The following BDNF variants were observed in gnomAD, a reference collection of about 807,000 sequenced individuals.
The protein encoded by BDNF is neurotrophic factor BDNF precursor form.
In BDNF, 1 loss-of-function variant was observed where a neutral mutation model predicts 19.5. The ratio of observed to expected loss-of-function variants is 0.05; its 90% CI spans 0.02 to 0.24. BDNF has a LOEUF of 0.24. BDNF is among the 10% of genes least tolerant of loss of function. BDNF has a pLI of 1.00. For missense variants in BDNF, 195 were observed against 317.6 expected, an observed-to-expected ratio of 0.61 and a Z score of 2.93; for synonymous variants, 100 against 121.6, an observed-to-expected ratio of 0.82 and a Z score of 1.17.
At chr11:27,720,858 A>G in intron 1 of BDNF, 1 of 799,380 alleles carries the variant, frequency 1.3e-6, no homozygotes, top group East Asian at 1.2e-4. Context: ...TTAATAGTTG[A>G]TCACATGTTG....
At position 27,674,017 on chromosome 11, in the gene BDNF, G is replaced by T. The variant is rs367743133; in HGVS notation, c.-21-15432C>A. 23 of 1,499,278 alleles carry T rather than the reference G, an allele frequency of 1.5e-5. No homozygotes were observed. In the African/African-American group the frequency reaches 3.1e-4, roughly 20 times the overall value. 92.9% of individuals were successfully genotyped at this position (1,499,278 alleles called of 1,614,324 possible). On this transcript the variant is annotated intron_variant, in intron 1 of 1. Transcript: ENST00000356660. ...TATTATCAAGAAATCTTGGGGGAAA[G>T]ATAAAATTAGCAAGAGAAGGCTATT... is the stretch of plus-strand genomic sequence containing the variant.
In BDNF at chr11:27,659,650, C is replaced by T. The variant is rs4030470; in HGVS notation, c.-21-1065G>A. 42,856 of 312,380 alleles carry T rather than the reference C, an allele frequency of 0.14. 7,032 individuals are homozygous for T. The highest frequency in any genetic ancestry group is 0.56 in the African/African-American group (27,200 of 48,526). 19.4% of individuals were successfully genotyped at this position (312,380 alleles called of 1,614,324 possible). Reference sequence around the variant, plus strand: ...CTCTCTGTGTGTGTGTGTGTGTGTGCGCGCGCGCGTGTGCGCGCGCTCTGA... The same window carrying T: ...CTCTCTGTGTGTGTGTGTGTGTGTGTGCGCGCGCGTGTGCGCGCGCTCTGA... On this transcript the variant is annotated intron_variant, in intron 1 of 1. Transcript: ENST00000356660.
chr11:27,661,440 A>G (rs190904924), intron 1 of BDNF, among the ~76,000 whole-genome samples: 1 of 152,142 alleles, frequency 6.6e-6, no homozygotes, highest in East Asian at 1.9e-4. Flanking sequence ...TGTCCTGTTA[A>G]TTTTTCCTTT....
intron 1 of BDNF, chr11:27,659,185 A>G: frequency 3.0e-6 from 3 of 1,000,080 alleles, no homozygotes; most frequent in Non-Finnish European, 3.6e-6. Flanking sequence ...ACTCTATTAT[A>G]GCAAAGAAGA....
chr11:27,676,417 A>AT lies in BDNF; in HGVS notation c.-21-17833dup, dbSNP rs973775092. Among the ~76,000 whole-genome samples the AT allele has an allele frequency of 4.4e-3, 644 of 147,630 alleles. 2 individuals carry two copies. The highest frequency in any genetic ancestry group is 5.7e-3 in the Non-Finnish European group (378 of 66,590). ...TTTCTATGCAGTGGAACTGAAGGGG[A>AT]TTTTTTTTTTTGCTGTCCTCAGAGA... is the stretch of plus-strand genomic sequence containing the variant. On this transcript the variant is annotated intron_variant, in intron 1 of 1. Transcript: ENST00000356660.
intron 1 of BDNF, among the ~76,000 whole-genome samples, chr11:27,676,628 T>G (rs564632875): frequency 6.6e-4 from 101 of 152,356 alleles, no homozygotes; most frequent in African/African-American, 2.2e-3. Context: ...AGTCTAGCAA[T>G]AATGCATCAT....
chr11:27,656,899 C>T lies in BDNF; in HGVS notation c.*922G>A. On this transcript the variant is annotated 3_prime_UTR_variant, in exon 2 of 2. Coordinates refer to ENST00000356660, the MANE Select transcript of BDNF (RefSeq NM_001709.5). The stretch of plus-strand genomic sequence containing the variant: ...TGTTCACAGCAGTGGTAAAATATTT[C>T]AGAACGCGCAACTGATTTTTCTTCC... 2.0e-6 allele frequency: 2 copies of T among 985,208 alleles called. No individual in the cohort carries two copies. Among genetic ancestry groups the T allele is most frequent in the Non-Finnish European group, 2.4e-6 (2 of 829,896 alleles). 61.0% of individuals were successfully genotyped at this position (985,208 alleles called of 1,614,324 possible).
chr11:27,692,589 C>T (rs1590409690), intron 1 of BDNF, among the ~76,000 whole-genome samples: 1 of 152,258 alleles, frequency 6.6e-6, no homozygotes, highest in Admixed American at 6.5e-5. Flanking sequence ...GTGATCCTCC[C>T]ACCTCAGCCT....
chr11:27,681,127 G>A (rs1856783755), intron 1 of BDNF, among the ~76,000 whole-genome samples: 1 of 152,188 alleles, frequency 6.6e-6, no homozygotes. Context: ...GGAAACACAA[G>A]GATGGGGGAA....
At chr11:27,675,672 A>G (rs776984437) in intron 1 of BDNF, 8 of 152,130 alleles carry the variant, frequency 5.3e-5, no homozygotes, top group Non-Finnish European at 1.2e-4. Context: ...GAATGTGGCT[A>G]AGGGGCTAAG....
intron 1 of BDNF, chr11:27,698,313 T>C (rs1859426240): frequency 6.6e-6 from 1 of 151,600 alleles, no homozygotes; most frequent in Admixed American, 6.6e-5. Flanking sequence ...TAGTGATTGT[T>C]TTTAAAAGGT....
At chr11:27,711,314 T>C (rs1322398507) in intron 1 of BDNF, among the ~76,000 whole-genome samples, 1 of 152,228 alleles carries the variant, frequency 6.6e-6, no homozygotes, top group East Asian at 1.9e-4. Flanking sequence ...ATGTATATGA[T>C]CCTAACAAAA....
chr11:27,700,089 G>A lies in BDNF; in HGVS notation c.-22+75C>T, dbSNP rs1468361992. Reference sequence around the variant, plus strand: ...TGGCCTCGTCCCACAACTTTGGGGTGGGGGATCCCCCAGTCAACTCTCTCC... The same window carrying A: ...TGGCCTCGTCCCACAACTTTGGGGTAGGGGATCCCCCAGTCAACTCTCTCC... On this transcript the variant is annotated intron_variant, in intron 1 of 1. Coordinates refer to ENST00000356660, the MANE Select transcript of BDNF (RefSeq NM_001709.5). The A allele has an allele frequency of 6.1e-6, 6 of 983,366 alleles. No homozygotes were observed. In the Admixed American group the frequency reaches 3.1e-4, roughly 50 times the overall value. The allele number at this position is 983,366 out of a possible 1,614,324, so 60.9% of individuals were successfully genotyped here.
chr11:27,656,996 TC>T lies in BDNF; in HGVS notation c.*824del, dbSNP rs1197337879. 1 of 985,238 alleles carries T rather than the reference TC, an allele frequency of 1.0e-6. No individual in the cohort carries two copies. 61.0% of individuals were successfully genotyped at this position (985,238 alleles called of 1,614,324 possible). A position where few individuals can be genotyped will look rare whatever the true frequency, so the allele number is the denominator to read the frequency against. On this transcript the variant is annotated 3_prime_UTR_variant, in exon 2 of 2. Coordinates refer to ENST00000356660, the MANE Select transcript of BDNF (RefSeq NM_001709.5). The stretch of plus-strand genomic sequence containing the variant: ...TGTGTTCTGAGCAAACATAGGTCCT[TC>T]CGTCAAAAGCAGCTTACTCTGACCA...
intron 1 of BDNF, among the ~76,000 whole-genome samples, chr11:27,697,178 G>C (rs1352892077): frequency 4.6e-5 from 7 of 151,984 alleles, no homozygotes; most frequent in Non-Finnish European, 8.8e-5. Flanking sequence ...GAGAGAGAGA[G>C]AGAGAGAGAG....
At chr11:27,684,120 C>T (rs2133976171) in intron 1 of BDNF, among the ~76,000 whole-genome samples, 1 of 152,272 alleles carries the variant, frequency 6.6e-6, no homozygotes, top group Admixed American at 6.5e-5. Context: ...AGGTCCTTCA[C>T]ATCCCTTGTA....
chr11:27,656,255 C>CA lies in BDNF; in HGVS notation c.*1565dup, dbSNP rs1361538246. ...GCAAACATCTTCTATCTCATTGCAT[C>CA]AATCTCATGATCACAAATGCCACAT... On this transcript the variant is annotated 3_prime_UTR_variant, in exon 2 of 2. Transcript: ENST00000356660. 6.6e-6 allele frequency: 1 copy of CA among 152,252 alleles called. No individual in the cohort carries two copies. Among genetic ancestry groups the CA allele is most frequent in the Non-Finnish European group, 1.5e-5 (1 of 68,102 alleles). The allele number at this position is 152,252 out of a possible 1,614,324, so 9.4% of individuals were successfully genotyped here. A position where few individuals can be genotyped will look rare whatever the true frequency, so the allele number is the denominator to read the frequency against.
chr11:27,685,768 T>G (rs904428224), intron 1 of BDNF, among the ~76,000 whole-genome samples: 3 of 152,218 alleles, frequency 2.0e-5, no homozygotes, highest in African/African-American at 7.2e-5. Context: ...GAGAGACTGT[T>G]TGTTATGATT....
At position 27,720,324 on chromosome 11, in the gene BDNF, G is replaced by T. The variant is rs999692981; in HGVS notation, c.3+1088C>A. The T allele has an allele frequency of 8.1e-6, 8 of 985,776 alleles. No homozygotes were observed. In the Admixed American group the frequency reaches 1.8e-4, roughly 23 times the overall value. The allele number at this position is 985,776 out of a possible 1,614,324, so 61.1% of individuals were successfully genotyped here. A position where few individuals can be genotyped will look rare whatever the true frequency, so the allele number is the denominator to read the frequency against. On this transcript the variant is annotated intron_variant, in intron 1 of 1. Coordinates refer to the BDNF transcript ENST00000314915. ...ATAGCTCAAGAATTGGGGATGCAAGGGGTCCCCGCCCTGGTGCTTACCTTC... is the reference window on the plus strand; with the variant it reads ...ATAGCTCAAGAATTGGGGATGCAAGTGGTCCCCGCCCTGGTGCTTACCTTC...
Sources: gnomAD v4.1 joint callset for allele counts (sites outside exome capture counted in the v4.1 genomes callset) on GRCh38, gnomAD v4.1.1 for gene constraint, MANE v1.5 for transcripts, NCBI Gene and HGNC (gene_info 2026-07-23, HGNC 2026-07-21) for gene names.